The following BTBD16 variants were observed in gnomAD, a reference collection of about 807,000 sequenced individuals.
BTBD16 encodes BTB/POZ domain-containing protein 16.
BTBD16 carries 66 observed loss-of-function variants against 67.4 expected under a neutral mutation model. The observed-to-expected ratio is 0.98, with a 90% CI of 0.80 to 1.20. The LOEUF (loss-of-function observed/expected upper bound fraction) is 1.20. BTBD16 is among the 50% of genes most tolerant of loss of function. The pLI, the probability that BTBD16 is intolerant of heterozygous loss-of-function variation, is 0.00. For synonymous variants in BTBD16, 242 were observed against 236.4 expected (o/e 1.02, Z -0.22); for missense variants, 634 against 616.0 (o/e 1.03, Z -0.31).
intron 9 of BTBD16, among the ~76,000 whole-genome samples, chr10:122,306,350 T>G (rs1418992870): frequency 6.6e-6 from 1 of 152,230 alleles, no homozygotes; most frequent in East Asian, 1.9e-4. Context: ...AAATTCGTGT[T>G]GTTTCGAACC....
intron 10 of BTBD16, among the ~76,000 whole-genome samples, chr10:122,313,811 T>G (rs1253124576): frequency 6.6e-6 from 1 of 152,224 alleles, no homozygotes; most frequent in Non-Finnish European, 1.5e-5. Flanking sequence ...GTCTGTCACC[T>G]TTGTCATAAC....
chr10:122,290,685 A>G (rs2096372298), intron 6 of BTBD16, among the ~76,000 whole-genome samples: 2 of 152,106 alleles, frequency 1.3e-5, no homozygotes, highest in African/African-American at 4.8e-5. Flanking sequence ...CCAGACTCCA[A>G]GGAGAATCTG....
intron 10 of BTBD16, 105 bp downstream of exon 10, chr10:122,307,413 G>A: frequency 8.1e-7 from 1 of 1,240,458 alleles, no homozygotes; most frequent in Non-Finnish European, 1.1e-6. Context: ...ATTTTTCATA[G>A]CATCATTCAG....
At chr10:122,274,911 A>T in intron 1 of BTBD16, 129 bp from the exon 2 acceptor site, 1 of 631,362 alleles carries the variant, frequency 1.6e-6, no homozygotes, top group Non-Finnish European at 2.8e-6. Context: ...CTCTTGATTG[A>T]TAAATAACCC....
chr10:122,316,124 A>G (rs2096423834), intron 10 of BTBD16, among the ~76,000 whole-genome samples: 1 of 152,080 alleles, frequency 6.6e-6, no homozygotes, highest in Admixed American at 6.6e-5. Flanking sequence ...AAAATTAGCC[A>G]GGCATGGTGG....
intron 10 of BTBD16, among the ~76,000 whole-genome samples, chr10:122,326,049 A>G (rs1298916101): frequency 6.6e-6 from 1 of 152,076 alleles, no homozygotes; most frequent in Non-Finnish European, 1.5e-5. Context: ...GAAAAAAAAA[A>G]AGCCATTTTC....
At chr10:122,304,945 C>A (rs1270934896) in intron 9 of BTBD16, among the ~76,000 whole-genome samples, 7 of 152,156 alleles carry the variant, frequency 4.6e-5, no homozygotes, top group African/African-American at 1.7e-4. Context: ...CCTGACCCTG[C>A]CACATATCCA....
At chr10:122,312,309 C>CTTT (rs58045019) in intron 10 of BTBD16, among the ~76,000 whole-genome samples, 37 of 105,580 alleles carry the variant, frequency 3.5e-4, no homozygotes, top group Non-Finnish European at 4.6e-4. Context: ...TTTTCTTTTT[C>CTTT]TTTTTTTTTT....
intron 4 of BTBD16, among the ~76,000 whole-genome samples, chr10:122,285,211 C>T (rs2096361309): frequency 6.6e-6 from 1 of 152,076 alleles, no homozygotes; most frequent in Non-Finnish European, 1.5e-5. Context: ...CACCTCTCCT[C>T]CCCCCAGCTC....
At chr10:122,288,619 C>T (rs1223167437) in intron 5 of BTBD16, among the ~76,000 whole-genome samples, 1 of 152,176 alleles carries the variant, frequency 6.6e-6, no homozygotes, top group African/African-American at 2.4e-5. Flanking sequence ...AAGTGAACCA[C>T]CTCAGCTGAG....
At chr10:122,298,326 G>C (rs531716347) in intron 8 of BTBD16, among the ~76,000 whole-genome samples, 1 of 152,184 alleles carries the variant, frequency 6.6e-6, no homozygotes, top group Non-Finnish European at 1.5e-5. Flanking sequence ...AGTGACCTGG[G>C]GGGGGATACC....
At chr10:122,315,344 TC>T (rs1249112544) in intron 10 of BTBD16, among the ~76,000 whole-genome samples, 1 of 152,206 alleles carries the variant, frequency 6.6e-6, no homozygotes, top group Non-Finnish European at 1.5e-5. Context: ...CAACTTTGTA[TC>T]CCTGGAATGA....
At chr10:122,273,932 A>T (rs989114519) in intron 1 of BTBD16, among the ~76,000 whole-genome samples, 1 of 152,236 alleles carries the variant, frequency 6.6e-6, no homozygotes, top group African/African-American at 2.4e-5. Flanking sequence ...TGAGGCAAGG[A>T]TCGTGTGCAT....
At chr10:122,272,678 TACAC>T (rs112265160) in intron 1 of BTBD16, among the ~76,000 whole-genome samples, 3,895 of 147,682 alleles carry the variant, frequency 0.026, 144 homozygotes, top group African/African-American at 0.083. Flanking sequence ...GCAAAGGAAA[TACAC>T]ACACACACAC....
chr10:122,337,830 T>C (rs1318711338), intron 15 of BTBD16, among the ~76,000 whole-genome samples, 187 bp from the exon 16 acceptor site: 1 of 152,224 alleles, frequency 6.6e-6, no homozygotes, highest in Non-Finnish European at 1.5e-5. Flanking sequence ...GTGCACGTTA[T>C]TGTGTTTAAG....
chr10:122,304,730 T>TG (rs1301977951), intron 9 of BTBD16, among the ~76,000 whole-genome samples: 1 of 152,038 alleles, frequency 6.6e-6, no homozygotes, highest in African/African-American at 2.4e-5. Context: ...ATTTTTTGTA[T>TG]TTTTAGTAGA....
chr10:122,329,597 T>C, intron 11 of BTBD16, 26 bp downstream of exon 11: 7 of 1,605,936 alleles, frequency 4.4e-6, no homozygotes, highest in Non-Finnish European at 6.0e-6. Flanking sequence ...GGCGAGCGCA[T>C]CCACGGGAAA....
At chr10:122,311,336 T>C (rs2096413371) in intron 10 of BTBD16, among the ~76,000 whole-genome samples, 1 of 152,178 alleles carries the variant, frequency 6.6e-6, no homozygotes, top group African/African-American at 2.4e-5. Context: ...AACACACACC[T>C]GTGTGCACAT....
At chr10:122,329,043 C>T (rs927426) in intron 10 of BTBD16, among the ~76,000 whole-genome samples, 81,181 of 151,924 alleles carry the variant, frequency 0.53, 22,107 homozygotes, top group East Asian at 0.86. Flanking sequence ...TCAGGAGTCC[C>T]GGGTTCCAGT....
Sources: allele counts gnomAD v4.1 joint callset (sites outside exome capture counted in the v4.1 genomes callset), GRCh38; gene constraint gnomAD v4.1.1; transcripts MANE v1.5; gene names NCBI Gene and HGNC (gene_info 2026-07-23, HGNC 2026-07-21).